SLC35D4: variants seen among roughly 807,000 people sequenced by gnomAD.
The protein encoded by SLC35D4 is UDP-N-acetylglucosamine transporter SLC35D4.
the SLC35D4 span, among the ~76,000 whole-genome samples, chr18:23,265,287 G>A: frequency 1.3e-5 from 2 of 152,094 alleles, no homozygotes; most frequent in Non-Finnish European, 2.9e-5. Flanking sequence ...CCCCAGCCAA[G>A]GGGCCCTGCT....
chr18:23,240,864 G>A, the SLC35D4 span, among the ~76,000 whole-genome samples: 1 of 151,346 alleles, frequency 6.6e-6, no homozygotes, highest in Non-Finnish European at 1.5e-5. Flanking sequence ...CTCTCAAAGT[G>A]ATGAGCTAAT....
At chr18:23,248,538 T>TTTTTTTTTTTTA in the SLC35D4 span, among the ~76,000 whole-genome samples, 723 of 93,522 alleles carry the variant, frequency 7.7e-3, 15 homozygotes, top group Admixed American at 0.012. Context: ...TTTTTTTTTT[T>TTTTTTTTTTTTA]AAAAAAAGGC....
chr18:23,402,371 G>GT, the SLC35D4 span, among the ~76,000 whole-genome samples: 1 of 152,278 alleles, frequency 6.6e-6, no homozygotes, highest in South Asian at 2.1e-4. Context: ...AAATCATAGA[G>GT]TATATGCTAA....
At chr18:23,415,211 G>C in the SLC35D4 span, among the ~76,000 whole-genome samples, 2 of 152,168 alleles carry the variant, frequency 1.3e-5, no homozygotes, top group Non-Finnish European at 2.9e-5. Flanking sequence ...AAGTTAATTT[G>C]GAGGTTTTAT....
chr18:23,300,727 T>A, the SLC35D4 span, among the ~76,000 whole-genome samples: 1 of 152,272 alleles, frequency 6.6e-6, no homozygotes, highest in African/African-American at 2.4e-5. Flanking sequence ...CTGAACTGTT[T>A]GCAAATCTTG....
chr18:23,311,284 G>A, the SLC35D4 span, among the ~76,000 whole-genome samples: 1 of 151,942 alleles, frequency 6.6e-6, no homozygotes, highest in South Asian at 2.1e-4. Context: ...TAGAGACAAC[G>A]TCTCACTTTG....
At chr18:23,368,756 G>C in the SLC35D4 span, 1 of 1,447,714 alleles carries the variant, frequency 6.9e-7, no homozygotes, top group Non-Finnish European at 9.6e-7. Context: ...TGTCACTAAG[G>C]AATGAGAGAG....
At chr18:23,246,431 G>A in the SLC35D4 span, among the ~76,000 whole-genome samples, 18 of 151,608 alleles carry the variant, frequency 1.2e-4, no homozygotes, top group Non-Finnish European at 2.2e-4. Context: ...TTGCTCTGTC[G>A]CCCAGGCTGA....
At chr18:23,355,503 G>A in the SLC35D4 span, among the ~76,000 whole-genome samples, 1 of 152,066 alleles carries the variant, frequency 6.6e-6, no homozygotes, top group African/African-American at 2.4e-5. Flanking sequence ...AACTACGAAA[G>A]TGAATTGTGT....
chr18:23,435,090 G>A, the SLC35D4 span, among the ~76,000 whole-genome samples: 1 of 147,642 alleles, frequency 6.8e-6, no homozygotes, highest in African/African-American at 2.5e-5. Flanking sequence ...CCTGGGAGGC[G>A]GAGGTTGTGG....
chr18:23,377,693 T>C, the SLC35D4 span: 1 of 1,558,894 alleles, frequency 6.4e-7, no homozygotes, highest in Admixed American at 2.1e-5. Context: ...TAAAGAAACA[T>C]ACAATTAGAC....
chr18:23,381,245 C>A, the SLC35D4 span, among the ~76,000 whole-genome samples: 4 of 152,206 alleles, frequency 2.6e-5, no homozygotes, highest in African/African-American at 9.6e-5. Context: ...AATGGAAAAA[C>A]AGGATGTTTC....
At chr18:23,394,983 CA>C in the SLC35D4 span, among the ~76,000 whole-genome samples, 2,561 of 54,394 alleles carry the variant, frequency 0.047, 18 homozygotes, top group Middle Eastern at 0.12. Context: ...AACTCCATCT[CA>C]AAAAAAAAAA....
chr18:23,298,199 T>A, the SLC35D4 span: 1 of 998,118 alleles, frequency 1.0e-6, no homozygotes, highest in Non-Finnish European at 1.5e-6. Context: ...CGAACTGCCA[T>A]GCTTCCAGGT....
At chr18:23,301,511 C>T in the SLC35D4 span, among the ~76,000 whole-genome samples, 1 of 152,026 alleles carries the variant, frequency 6.6e-6, no homozygotes, top group Admixed American at 6.6e-5. Context: ...TTCTAAAGAC[C>T]CTCAGTGTTG....
chr18:23,352,481 G>A, the SLC35D4 span, among the ~76,000 whole-genome samples: 1 of 152,164 alleles, frequency 6.6e-6, no homozygotes, highest in Non-Finnish European at 1.5e-5. Flanking sequence ...GCTTTTCTAA[G>A]GAGCTATGGT....
At chr18:23,342,298 C>T in the SLC35D4 span, among the ~76,000 whole-genome samples, 1 of 152,130 alleles carries the variant, frequency 6.6e-6, no homozygotes, top group Admixed American at 6.5e-5. Context: ...ATGGGCATTT[C>T]ACACAAACTG....
At chr18:23,299,823 G>A in the SLC35D4 span, among the ~76,000 whole-genome samples, 2 of 152,182 alleles carry the variant, frequency 1.3e-5, no homozygotes, top group Non-Finnish European at 2.9e-5. Context: ...GGAGGAGAGG[G>A]AGCCGAGGGA....
At chr18:23,405,523 C>T in the SLC35D4 span, among the ~76,000 whole-genome samples, 1 of 152,168 alleles carries the variant, frequency 6.6e-6, no homozygotes, top group Admixed American at 6.6e-5. Context: ...CTGGTCTATG[C>T]TATTTTGTTA....
Sources: gnomAD v4.1 joint callset for allele counts (sites outside exome capture counted in the v4.1 genomes callset) on GRCh38, gnomAD v4.1.1 for gene constraint, MANE v1.5 for transcripts, NCBI Gene and HGNC (gene_info 2026-07-23, HGNC 2026-07-21) for gene names.